MACF1: variants seen among roughly 807,000 people sequenced by gnomAD.
MACF1 encodes microtubule-actin cross-linking factor 1.
MACF1 carries 193 observed loss-of-function variants against 854.8 expected under a neutral mutation model. The ratio of observed to expected loss-of-function variants is 0.23; its 90% confidence interval spans 0.20 to 0.25. The LOEUF is 0.25. Among genes scored for constraint, MACF1 ranks in the 10% least tolerant of loss-of-function variants. The pLI is 1.00. For missense variants in MACF1, 7,722 were observed against 8,929.1 expected (o/e 0.86, Z 5.45); for synonymous variants, 3,185 against 3,226.7 (o/e 0.99, Z 0.44).
Position 39,340,617 on chromosome 1 carries a change from T to C in MACF1, c.10331T>C (p.Leu3444Pro). 2 of 1,614,216 alleles carry C rather than the reference T, an allele frequency of 1.2e-6. No individual in the cohort carries two copies. The highest frequency in any genetic ancestry group is 1.7e-6 in the Non-Finnish European group (2 of 1,180,030). Residue 3444 changes from leucine (L) to proline (P), a missense_variant, in exon 39 of 101, where the codon CTA (leucine) becomes CCA (proline). By Grantham distance (98) the Leu-to-Pro change is moderately conservative (BLOSUM62 -3). Transcript: ENST00000564288. ...GTTCCTGCTCAACTGTTGAAGGCTC[T>C]AGAGAAAGATGCCAAGAATCTTCAG... ...QEVPAQLLKALEKDAKNLQKS... is the reference protein window; with the variant it reads ...QEVPAQLLKAPEKDAKNLQKS...
chr1:39,168,149 T>G (rs946754304), intron 2 of MACF1, among the ~76,000 whole-genome samples: 2 of 152,156 alleles, frequency 1.3e-5, no homozygotes, highest in Non-Finnish European at 2.9e-5. Flanking sequence ...AGGGCCTCTG[T>G]TTCCTCTGAG....
At chr1:39,372,429 T>G (rs368592666) in intron 51 of MACF1, 50 bp from the exon 52 acceptor site, 1 of 1,026,944 alleles carries the variant, frequency 9.7e-7, no homozygotes, top group Non-Finnish European at 1.5e-6. Flanking sequence ...TCCCTACTTA[T>G]GAGGAAAAAG....
intron 36 of MACF1, among the ~76,000 whole-genome samples, chr1:39,328,079 G>A (rs1299902192): frequency 1.3e-5 from 2 of 152,176 alleles, no homozygotes; most frequent in Admixed American, 6.5e-5. Context: ...TTAAGCTCAC[G>A]TGATAGTCAA....
intron 23 of MACF1, chr1:39,304,781 C>T (rs944885296): frequency 1.0e-5 from 3 of 294,020 alleles, no homozygotes; most frequent in Admixed American, 4.7e-5. Context: ...CCAGGATGGT[C>T]TCGATCTCCT....
intron 58 of MACF1, among the ~76,000 whole-genome samples, chr1:39,394,807 C>T (rs1202373398): frequency 6.6e-6 from 1 of 152,118 alleles, no homozygotes; most frequent in East Asian, 1.9e-4. Flanking sequence ...GCGTTATCTA[C>T]CTGCCCTTGG....
chr1:39,334,756 C>G lies in MACF1; in HGVS notation c.8168C>G (p.Ser2723Cys). The G allele has an allele frequency of 6.2e-7, 1 of 1,614,094 alleles. No homozygotes were observed. ...GAAAACATGGTCAGAATTATTGCAT[C>G]TCATCAGGTGTTAAATGGAGGAATT... ...VDENMVRIIA[S>C]HQVLNGGIVD... The change falls in exon 37 of 101, where the codon TCT becomes TGT. Residue 2723 changes from serine (S) to cysteine (C), a missense_variant. This residue lies in a region of MACF1 where 1,531 missense variants were observed against 1,601.6 expected (regional missense o/e 0.96). Transcript: ENST00000564288.
chr1:39,431,534 T>A (rs1643875497), intron 66 of MACF1, among the ~76,000 whole-genome samples: 1 of 152,224 alleles, frequency 6.6e-6, no homozygotes, highest in Admixed American at 6.5e-5. Context: ...AAATTTGCTC[T>A]GAGTCCAGGT....
intron 58 of MACF1, among the ~76,000 whole-genome samples, chr1:39,393,193 AAAAATAT>A (rs1309921319): frequency 1.2e-4 from 12 of 103,836 alleles, no homozygotes; most frequent in African/African-American, 4.7e-4. Context: ...AAAAAAAAAA[AAAAATAT>A]ATATATATAT....
At chr1:39,461,764 C>A (rs1220795666) in intron 92 of MACF1, 119 bp from the exon 93 acceptor site, 2 of 749,212 alleles carry the variant, frequency 2.7e-6, no homozygotes, top group East Asian at 5.7e-5. Flanking sequence ...TGCACTCCAG[C>A]CTGGGCGACA....
chr1:39,226,212 G>A (rs556715919), intron 1 of MACF1, among the ~76,000 whole-genome samples: 2 of 152,102 alleles, frequency 1.3e-5, no homozygotes, highest in African/African-American at 4.8e-5. Flanking sequence ...GTACTTAAAC[G>A]TCTTTCTCCT....
chr1:39,369,879 G>C, intron 50 of MACF1, 151 bp from the exon 51 acceptor site: 1 of 664,378 alleles, frequency 1.5e-6, no homozygotes, highest in Non-Finnish European at 2.5e-6. Context: ...GTTATATGCG[G>C]TTGTTCAGCC....
chr1:39,164,448 T>A (rs1032521302), intron 2 of MACF1, among the ~76,000 whole-genome samples: 4 of 152,240 alleles, frequency 2.6e-5, no homozygotes, highest in Non-Finnish European at 4.4e-5. Flanking sequence ...TGTTTTATTA[T>A]CCAGTTAATT....
chr1:39,180,964 T>C (rs1436795391), intron 2 of MACF1, among the ~76,000 whole-genome samples: 1 of 152,198 alleles, frequency 6.6e-6, no homozygotes, highest in Non-Finnish European at 1.5e-5. Flanking sequence ...TCGACTACAG[T>C]AGCCCATCTC....
intron 6 of MACF1, among the ~76,000 whole-genome samples, chr1:39,275,389 A>G (rs1413299190): frequency 1.3e-5 from 2 of 151,404 alleles, no homozygotes; most frequent in East Asian, 1.9e-4. Flanking sequence ...AATTTTTTTT[A>G]AAGAGATGAG....
intron 58 of MACF1, among the ~76,000 whole-genome samples, chr1:39,402,785 CCT>C (rs1236856729): frequency 2.0e-5 from 3 of 152,188 alleles, no homozygotes; most frequent in African/African-American, 7.2e-5. Flanking sequence ...TCACTATTCC[CCT>C]CTTTCATTGT....
chr1:39,296,379 G>C (rs533416488), intron 20 of MACF1, among the ~76,000 whole-genome samples: 70 of 152,198 alleles, frequency 4.6e-4, no homozygotes, highest in African/African-American at 1.5e-3. Context: ...CTTGATGGGA[G>C]TAGCTGTAAA....
At chr1:39,257,771 G>C (rs535933122) in intron 5 of MACF1, 165 bp from the exon 6 acceptor site, 1 of 583,068 alleles carries the variant, frequency 1.7e-6, no homozygotes, top group East Asian at 3.0e-5. Flanking sequence ...TGATGAAACT[G>C]TTTTGTGGTG....
intron 5 of MACF1, chr1:39,257,713 T>G: frequency 2.1e-6 from 1 of 477,690 alleles, no homozygotes; most frequent in Non-Finnish European, 3.7e-6. Context: ...GGGGTGAGAG[T>G]AGGGTTTGAT....
intron 1 of MACF1, among the ~76,000 whole-genome samples, chr1:39,223,952 A>C (rs1480110176): frequency 6.6e-6 from 1 of 152,222 alleles, no homozygotes; most frequent in Non-Finnish European, 1.5e-5. Flanking sequence ...GTCAGAAGCA[A>C]GGAGAAAAGA....
Sources: allele counts gnomAD v4.1 joint callset (sites outside exome capture counted in the v4.1 genomes callset), GRCh38; gene constraint gnomAD v4.1.1; regional missense constraint gnomAD v4.1.1; transcripts MANE v1.5; gene names NCBI Gene and HGNC (gene_info 2026-07-23, HGNC 2026-07-21).